ZFR: variants seen among roughly 807,000 people sequenced by gnomAD.
ZFR encodes zinc finger RNA binding protein, also known as zinc finger RNA-binding protein.
Under a neutral mutation model 130.7 loss-of-function variants are expected in ZFR, and 19 were observed. That is an observed-to-expected ratio of 0.15 (90% confidence interval 0.10 to 0.21). The LOEUF (loss-of-function observed/expected upper bound fraction) is 0.21. Ranked by LOEUF, ZFR falls within the 10% of genes least tolerant of loss-of-function variation. The probability of loss-of-function intolerance (pLI) is 1.00; values close to 1 mark genes in which losing one functional copy is unlikely to be tolerated. For synonymous variants in ZFR, 466 were observed against 456.9 expected, an observed-to-expected ratio of 1.02 and a Z score of -0.25; for missense variants, 872 against 1,321.5, an observed-to-expected ratio of 0.66 and a Z score of 5.27.
In ZFR at chr5:32,379,226, A is replaced by G. The variant is rs1752887978; in HGVS notation, c.2740-16T>C. 3 of 1,602,184 alleles carry G rather than the reference A, an allele frequency of 1.9e-6. No homozygotes were observed. The highest frequency in any genetic ancestry group is 2.2e-5 in the South Asian group (2 of 90,822). On this transcript the variant is annotated splice_polypyrimidine_tract_variant and intron_variant, in intron 16 of 19. Transcript: ENST00000265069. ...TAGCTCTAGCCTTGAGAGCAACATA[A>G]AAACCAATTGAATTAATCTTAGAAA...
intron 9 of ZFR, among the ~76,000 whole-genome samples, chr5:32,397,617 C>T (rs1014401603): frequency 7.2e-5 from 11 of 152,114 alleles, no homozygotes; most frequent in East Asian, 5.8e-4. Context: ...CCACCACGAC[C>T]GGCTAATTTG....
chr5:32,411,714 G>GGGGGGGGGA (rs138920140), intron 5 of ZFR, among the ~76,000 whole-genome samples: 6 of 54,612 alleles, frequency 1.1e-4, no homozygotes, highest in Admixed American at 2.5e-4. Context: ...AATTGAGGGG[G>GGGGGGGGGA]GGCGGGGAAT....
intron 2 of ZFR, among the ~76,000 whole-genome samples, chr5:32,433,610 C>T (rs1754267981): frequency 6.6e-6 from 1 of 152,200 alleles, no homozygotes; most frequent in Non-Finnish European, 1.5e-5. Context: ...AGATGGCCAT[C>T]TTCTTTACTC....
At chr5:32,417,221 C>G (rs188462045) in intron 4 of ZFR, among the ~76,000 whole-genome samples, 1 of 151,974 alleles carries the variant, frequency 6.6e-6, no homozygotes, top group East Asian at 1.9e-4. Context: ...CTGTATTTAA[C>G]ATGATTGGTG....
intron 2 of ZFR, among the ~76,000 whole-genome samples, chr5:32,432,537 T>C (rs929132525): frequency 6.6e-6 from 1 of 152,124 alleles, no homozygotes; most frequent in Non-Finnish European, 1.5e-5. Context: ...GTTCTTTATA[T>C]ATAGCTGGTC....
chr5:32,396,666 C>T (rs1415648323), intron 10 of ZFR, among the ~76,000 whole-genome samples: 1 of 151,984 alleles, frequency 6.6e-6, no homozygotes, highest in Non-Finnish European at 1.5e-5. Context: ...TGAACAGGGA[C>T]CCAGGAAGCA....
At chr5:32,432,716 A>G (rs149179677) in intron 2 of ZFR, among the ~76,000 whole-genome samples, 110 of 152,122 alleles carry the variant, frequency 7.2e-4, no homozygotes, top group African/African-American at 2.7e-3. Context: ...TAGATTTTAG[A>G]AGAAATTTAA....
chr5:32,420,405 AAC>A (rs1753925518), intron 2 of ZFR, among the ~76,000 whole-genome samples: 1 of 152,218 alleles, frequency 6.6e-6, no homozygotes, highest in Non-Finnish European at 1.5e-5. Flanking sequence ...TAGGATAAAA[AAC>A]AGTATTAGGA....
chr5:32,391,026 C>T (rs1753157372), intron 11 of ZFR, among the ~76,000 whole-genome samples: 1 of 152,190 alleles, frequency 6.6e-6, no homozygotes, highest in Non-Finnish European at 1.5e-5. Flanking sequence ...CCATTCTCAT[C>T]GCCGTGGTTT....
At chr5:32,410,378 G>A (rs958965009) in intron 5 of ZFR, among the ~76,000 whole-genome samples, 3 of 151,964 alleles carry the variant, frequency 2.0e-5, no homozygotes, top group Non-Finnish European at 4.4e-5. Context: ...AGAGGCGGAG[G>A]TGGGCAGATT....
intron 15 of ZFR, among the ~76,000 whole-genome samples, chr5:32,383,051 A>C (rs796871987): frequency 4.6e-5 from 7 of 152,366 alleles, no homozygotes; most frequent in African/African-American, 1.7e-4. Flanking sequence ...CACTATTTTA[A>C]GATTAAACGT....
At chr5:32,411,714 G>GTGC (rs1554073348) in intron 5 of ZFR, among the ~76,000 whole-genome samples, 1 of 54,612 alleles carries the variant, frequency 1.8e-5, no homozygotes, top group Admixed American at 2.5e-4. Context: ...AATTGAGGGG[G>GTGC]GGCGGGGAAT....
At chr5:32,391,655 T>G (rs1199737714) in intron 11 of ZFR, among the ~76,000 whole-genome samples, 1 of 151,940 alleles carries the variant, frequency 6.6e-6, no homozygotes, top group Non-Finnish European at 1.5e-5. Context: ...CTGTTAACAA[T>G]TAGGTTAAGG....
At chr5:32,422,798 C>CAAAAAAA (rs10693151) in intron 2 of ZFR, among the ~76,000 whole-genome samples, 3,570 of 23,962 alleles carry the variant, frequency 0.15, 875 homozygotes, top group East Asian at 0.23. Flanking sequence ...AAACCTGTCT[C>CAAAAAAA]AAAAAAAAAA....
Position 32,417,675 on chromosome 5 carries a change from A to C in ZFR, c.538T>G (p.Ser180Ala). Residue 180 changes from serine (S) to alanine (A), a missense_variant, in exon 4 of 20, where the codon TCT becomes GCT. Ser to Ala is a moderately conservative substitution (Grantham distance 99). This residue lies in a region of ZFR where 240 missense variants were observed against 441.2 expected (regional missense o/e 0.54). Coordinates refer to ENST00000265069, the MANE Select transcript of ZFR (RefSeq NM_016107.5). ...GTCTGATAGTAAGTTTCAGCAACAG[A>C]AGGCTGAGGTTGGGCAGCGGCAGCT... Reference protein sequence around the residue: ...AVAAAAQPQPSVAETYYQTAP... With the variant: ...AVAAAAQPQPAVAETYYQTAP... 1 of 1,613,810 alleles carries C rather than the reference A, an allele frequency of 6.2e-7. No homozygotes were observed. The highest frequency in any genetic ancestry group is 8.5e-7 in the Non-Finnish European group (1 of 1,179,880).
At chr5:32,426,727 C>A (rs896307010) in intron 2 of ZFR, among the ~76,000 whole-genome samples, 1 of 152,078 alleles carries the variant, frequency 6.6e-6, no homozygotes, top group Admixed American at 6.6e-5. Context: ...CACAGTGAAA[C>A]CCTGTCTCTA....
At chr5:32,443,658 G>T (rs1309236795) in intron 2 of ZFR, among the ~76,000 whole-genome samples, 1 of 152,280 alleles carries the variant, frequency 6.6e-6, no homozygotes, top group African/African-American at 2.4e-5. Context: ...CGCTAGCGAT[G>T]GAGCGTCTGG....
Position 32,386,989 on chromosome 5 carries a change from C to A in ZFR, c.2499+560G>T, listed in dbSNP as rs528867531. 1.2e-4 allele frequency among the ~76,000 whole-genome samples: 18 copies of A among 152,046 alleles called. No homozygotes were observed. The South Asian group carries it at 3.7e-3, about 32-fold the overall frequency. ...TTAAAAAAAGTTTGTTTTTGTAGGACCCAAATAAAATACTCTATTAGTTTT... is the reference window on the plus strand; with the variant it reads ...TTAAAAAAAGTTTGTTTTTGTAGGAACCAAATAAAATACTCTATTAGTTTT... On this transcript the variant is annotated intron_variant, in intron 14 of 19. Coordinates refer to ENST00000265069, the MANE Select transcript of ZFR (RefSeq NM_016107.5).
At chr5:32,431,048 C>G (rs1035623053) in intron 2 of ZFR, among the ~76,000 whole-genome samples, 1 of 152,216 alleles carries the variant, frequency 6.6e-6, no homozygotes, top group Non-Finnish European at 1.5e-5. Context: ...GCACTCCAGC[C>G]TGGGCAACAC....
Sources: gnomAD v4.1 joint callset for allele counts (sites outside exome capture counted in the v4.1 genomes callset) on GRCh38, gnomAD v4.1.1 for gene constraint, gnomAD v4.1.1 regional missense constraint, MANE v1.5 for transcripts, NCBI Gene and HGNC (gene_info 2026-07-23, HGNC 2026-07-21) for gene names.